PTPA: variants seen among roughly 807,000 people sequenced by gnomAD.
PTPA encodes serine/threonine-protein phosphatase 2A activator.
PTPA carries 13 observed loss-of-function variants against 43.6 expected under a neutral mutation model. The ratio of observed to expected loss-of-function variants is 0.30; its 90% confidence interval spans 0.19 to 0.47. The LOEUF is 0.47. Ranked by LOEUF, PTPA falls within the 20% of genes least tolerant of loss-of-function variation. The pLI, the probability that PTPA is intolerant of heterozygous loss-of-function variation, is 0.99. For synonymous variants in PTPA, 172 were observed against 158.2 expected, an observed-to-expected ratio of 1.09 and a Z score of -0.66; for missense variants, 329 against 411.9, an observed-to-expected ratio of 0.80 and a Z score of 1.74.
chr9:129,112,921 A>T (rs1181294964), intron 1 of PTPA, among the ~76,000 whole-genome samples: 1 of 138,630 alleles, frequency 7.2e-6, no homozygotes, highest in African/African-American at 2.7e-5. Context: ...AGCCTGGACA[A>T]CAAGAGTGAA....
intron 4 of PTPA, 45 bp downstream of exon 4, chr9:129,129,155 G>T (rs375954568): frequency 3.1e-6 from 5 of 1,603,194 alleles, no homozygotes; most frequent in Non-Finnish European, 4.3e-6. Context: ...TGGCAGTGAG[G>T]GTGGTTCTGG....
chr9:129,116,615 G>C (rs1013289297), intron 1 of PTPA, among the ~76,000 whole-genome samples: 5 of 152,116 alleles, frequency 3.3e-5, no homozygotes, highest in African/African-American at 1.2e-4. Flanking sequence ...TCGATCTCCT[G>C]ACCTTGTGAT....
chr9:129,138,311 A>G (rs1564198415), intron 8 of PTPA, among the ~76,000 whole-genome samples: 1 of 152,140 alleles, frequency 6.6e-6, no homozygotes, highest in Non-Finnish European at 1.5e-5. Flanking sequence ...TGGGCCCTGG[A>G]CCACTTGTGC....
intron 9 of PTPA, among the ~76,000 whole-genome samples, chr9:129,145,027 C>T (rs138033331): frequency 0.013 from 1,811 of 142,110 alleles, 47 homozygotes; most frequent in East Asian, 0.12. Flanking sequence ...TGTGAGACTC[C>T]GTCTCAAAGA....
In PTPA at chr9:129,128,967, T is replaced by G; in HGVS notation, c.217-18T>G. The G allele has an allele frequency of 6.2e-7, 1 of 1,612,810 alleles. No individual in the cohort carries two copies. Among genetic ancestry groups the G allele is most frequent in the African/African-American group, 1.3e-5 (1 of 75,020 alleles). On this transcript the variant is annotated intron_variant, in intron 3 of 9. Coordinates refer to ENST00000393370, the MANE Select transcript of PTPA (RefSeq NM_178000.3). The stretch of plus-strand genomic sequence containing the variant: ...CCACTTGCTCTGTAGCTTGGACCCC[T>G]CTATTTTGCCTCCACAGGCCATTGA...
intron 6 of PTPA, among the ~76,000 whole-genome samples, chr9:129,136,113 G>A (rs1260505859): frequency 6.6e-6 from 1 of 152,060 alleles, no homozygotes; most frequent in African/African-American, 2.4e-5. Context: ...GACCACAGGC[G>A]CCCACCACCA....
At position 129,111,592 on chromosome 9, in the gene PTPA, C is replaced by T; in HGVS notation, c.-9C>T. ...GCAAGCATCCGGGTCGGCTCCTGGC[C>T]GGAGCAAGATGGCTGAGGGCGAGCG... On this transcript the variant is annotated 5_prime_UTR_variant, in exon 1 of 10. Transcript: ENST00000393370. 2.3e-6 allele frequency: 3 copies of T among 1,283,610 alleles called. No individual in the cohort carries two copies. Among genetic ancestry groups the T allele is most frequent in the Non-Finnish European group, 9.9e-7 (1 of 1,007,128 alleles). 79.5% of individuals were successfully genotyped at this position (1,283,610 alleles called of 1,614,324 possible). A position where few individuals can be genotyped will look rare whatever the true frequency, so the allele number is the denominator to read the frequency against.
intron 8 of PTPA, chr9:129,139,688 TTGCA>T (rs1276794445): frequency 6.6e-6 from 1 of 152,242 alleles, no homozygotes; most frequent in African/African-American, 2.4e-5. Context: ...ACCTGGAGGC[TTGCA>T]TGGAGTTCTG....
chr9:129,143,637 G>A, intron 9 of PTPA: 1 of 560,528 alleles, frequency 1.8e-6, no homozygotes, highest in Non-Finnish European at 3.2e-6. Context: ...GAACAGACCG[G>A]GCCCTCACTC....
intron 9 of PTPA, chr9:129,143,797 G>GA: frequency 3.2e-5 from 7 of 219,214 alleles, no homozygotes; most frequent in South Asian, 1.4e-4. Context: ...GGCCACCCCC[G>GA]GCTCTCCACT....
intron 7 of PTPA, among the ~76,000 whole-genome samples, chr9:129,136,975 T>A (rs1428206205): frequency 6.6e-6 from 1 of 152,204 alleles, no homozygotes; most frequent in Admixed American, 6.5e-5. Flanking sequence ...TGTCATCCAC[T>A]GTTATTATCG....
chr9:129,116,060 G>A (rs773263226), intron 1 of PTPA, among the ~76,000 whole-genome samples: 3 of 151,058 alleles, frequency 2.0e-5, no homozygotes, highest in Admixed American at 6.6e-5. Flanking sequence ...TCGCTCTGTC[G>A]CCTGGTCTGG....
At chr9:129,112,139 C>A (rs1848557273) in intron 1 of PTPA, among the ~76,000 whole-genome samples, 1 of 152,140 alleles carries the variant, frequency 6.6e-6, no homozygotes, top group African/African-American at 2.4e-5. Flanking sequence ...GGTTCCAGTG[C>A]CTGAGAATTT....
chr9:129,129,807 C>T (rs1029876222), intron 4 of PTPA, among the ~76,000 whole-genome samples: 2 of 152,096 alleles, frequency 1.3e-5, no homozygotes, highest in African/African-American at 4.8e-5. Context: ...CACGGTGGCT[C>T]ATACATGTAA....
rs376576459 is a variant in PTPA at position 129,137,587 on chromosome 9, C to G, written c.686-5C>G. 1.2e-6 allele frequency: 2 copies of G among 1,607,422 alleles called. No individual in the cohort carries two copies. Among genetic ancestry groups the G allele is most frequent in the Non-Finnish European group, 1.7e-6 (2 of 1,176,418 alleles). ...CTGAATGCTGGGGCCCATTCCTTTT[C>G]CCAGACCACCCATACCTGGAGCCCA... On this transcript the variant is annotated splice_polypyrimidine_tract_variant and splice_region_variant and intron_variant, in intron 7 of 9. Coordinates refer to ENST00000393370, the MANE Select transcript of PTPA (RefSeq NM_178000.3).
At chr9:129,132,457 C>G (rs920641948) in intron 5 of PTPA, among the ~76,000 whole-genome samples, 2 of 152,146 alleles carry the variant, frequency 1.3e-5, no homozygotes, top group Non-Finnish European at 2.9e-5. Flanking sequence ...TGCATCTCCC[C>G]ACTCCCCAGT....
intron 1 of PTPA, among the ~76,000 whole-genome samples, chr9:129,118,710 T>C (rs1849055721): frequency 6.6e-6 from 1 of 151,852 alleles, no homozygotes; most frequent in Non-Finnish European, 1.5e-5. Flanking sequence ...AGATGGGGTC[T>C]CGCTGTGTTG....
chr9:129,142,942 T>G, intron 9 of PTPA: 4 of 1,432,418 alleles, frequency 2.8e-6, no homozygotes, highest in Middle Eastern at 2.3e-4. Context: ...GTCTTACCCT[T>G]TGGAGGCATC....
intron 3 of PTPA, among the ~76,000 whole-genome samples, chr9:129,126,730 C>G (rs553374465): frequency 6.6e-6 from 1 of 152,080 alleles, no homozygotes; most frequent in Non-Finnish European, 1.5e-5. Flanking sequence ...CTTTGTGCCT[C>G]GAAGGTGTTT....
Sources: gnomAD v4.1 joint callset for allele counts (sites outside exome capture counted in the v4.1 genomes callset) on GRCh38, gnomAD v4.1.1 for gene constraint, MANE v1.5 for transcripts, NCBI Gene and HGNC (gene_info 2026-07-23, HGNC 2026-07-21) for gene names.